Variants in DPYSL3 observed in about 807,000 individuals in gnomAD.
The protein encoded by DPYSL3 is dihydropyrimidinase-related protein 3.
A neutral mutation model predicts 66.1 loss-of-function variants in DPYSL3; 16 were observed. That is an observed-to-expected ratio of 0.24 (90% CI 0.16 to 0.37). The LOEUF (loss-of-function observed/expected upper bound fraction) is 0.37, where lower values mean the gene tolerates loss of function less well. Among genes scored for constraint, DPYSL3 ranks in the 10% least tolerant of loss-of-function variants. The pLI is 1.00. For synonymous variants in DPYSL3, 338 were observed against 345.1 expected, an observed-to-expected ratio of 0.98 and a Z score of 0.23; for missense variants, 738 against 916.2, an observed-to-expected ratio of 0.81 and a Z score of 2.51.
intron 1 of DPYSL3, among the ~76,000 whole-genome samples, chr5:147,426,148 T>A (rs1752193630): frequency 6.6e-6 from 1 of 152,130 alleles, no homozygotes; most frequent in Admixed American, 6.6e-5. Flanking sequence ...AATCTAAAAT[T>A]ATATTACGTG....
Position 147,413,657 on chromosome 5 carries a change from C to T in DPYSL3, c.821G>A (p.Gly274Glu). Residue 274 changes from glycine (G) to glutamate (E), a missense_variant and splice_region_variant, in exon 5 of 14, where the codon GGG becomes GAG. Gly to Glu is a moderately conservative substitution (Grantham distance 98). Coordinates refer to ENST00000343218, the MANE Select transcript of DPYSL3 (RefSeq NM_001197294.2). ...CATATAAACCATGAAGGAGTTAACCCCTGCAAAAGAGGGACAGGAGGAAAA... is the reference window on the plus strand; with the variant it reads ...CATATAAACCATGAAGGAGTTAACCTCTGCAAAAGAGGGACAGGAGGAAAA... ...QEVQNLIKDKGVNSFMVYMAY... is the reference protein window; with the variant it reads ...QEVQNLIKDKEVNSFMVYMAY... The T allele has an allele frequency of 6.2e-7, 1 of 1,611,330 alleles. No individual in the cohort carries two copies. Among genetic ancestry groups the T allele is most frequent in the Non-Finnish European group, 8.5e-7 (1 of 1,178,090 alleles).
intron 1 of DPYSL3, among the ~76,000 whole-genome samples, chr5:147,434,450 C>T (rs1476193981): frequency 6.6e-6 from 1 of 152,166 alleles, no homozygotes; most frequent in Non-Finnish European, 1.5e-5. Context: ...GATCTCTTGT[C>T]CCTTGAGCCC....
chr5:147,443,417 G>C (rs1433590550), intron 1 of DPYSL3, among the ~76,000 whole-genome samples: 1 of 152,076 alleles, frequency 6.6e-6, no homozygotes, highest in East Asian at 1.9e-4. Flanking sequence ...ACTTATAAGT[G>C]AGAGTTGAAC....
At position 147,405,677 on chromosome 5, in the gene DPYSL3, G is replaced by A. The variant is rs1335600922; in HGVS notation, c.1086C>T (p.Cys362=). The A allele has an allele frequency of 6.2e-7, 1 of 1,614,098 alleles. No homozygotes were observed. Among genetic ancestry groups the A allele is most frequent in the South Asian group, 1.1e-5 (1 of 91,078 alleles). Residue 362 remains cysteine (C), a synonymous_variant, in exon 8 of 14, where the codon TGC becomes TGT. Transcript: ENST00000343218. ...TCATGACCTTTGTGACGTAGAGAGG[G>A]CAATTGGTTTGGCTGGCAATGGTGA... The part of the protein sequence containing the change: ...RAITIASQTN[C]PLYVTKVMSK...
At chr5:147,484,108 T>G (rs1753291543) in intron 1 of DPYSL3, among the ~76,000 whole-genome samples, 1 of 152,198 alleles carries the variant, frequency 6.6e-6, no homozygotes, top group African/African-American at 2.4e-5. Context: ...TAGAACCAGG[T>G]TCCCGGCAAG....
At chr5:147,467,774 T>C (rs1753032106) in intron 1 of DPYSL3, among the ~76,000 whole-genome samples, 1 of 152,202 alleles carries the variant, frequency 6.6e-6, no homozygotes, top group Non-Finnish European at 1.5e-5. Flanking sequence ...TAACAAAATA[T>C]CTTAGACTGC....
At chr5:147,440,424 C>CT (rs1472895734) in intron 1 of DPYSL3, among the ~76,000 whole-genome samples, 1 of 152,204 alleles carries the variant, frequency 6.6e-6, no homozygotes, top group Admixed American at 6.5e-5. Flanking sequence ...TTGTAAAACT[C>CT]TGACATAGAC....
chr5:147,411,948 G>A (rs1478527634), intron 6 of DPYSL3, among the ~76,000 whole-genome samples: 1 of 152,064 alleles, frequency 6.6e-6, no homozygotes, highest in Admixed American at 6.5e-5. Context: ...TCTCCTCCTA[G>A]CAAAGGCCAA....
intron 1 of DPYSL3, among the ~76,000 whole-genome samples, chr5:147,448,605 C>A (rs1367811165): frequency 6.6e-6 from 1 of 152,234 alleles, no homozygotes; most frequent in Non-Finnish European, 1.5e-5. Flanking sequence ...AGTTCACAGA[C>A]CACTTTCATG....
chr5:147,472,831 C>A (rs892848353), intron 1 of DPYSL3: 1 of 152,042 alleles, frequency 6.6e-6, no homozygotes, highest in Non-Finnish European at 1.5e-5. Flanking sequence ...TCCTATTTAC[C>A]CTCATCTGCA....
chr5:147,435,112 GAA>G (rs1491421973), intron 1 of DPYSL3, among the ~76,000 whole-genome samples: 3 of 152,080 alleles, frequency 2.0e-5, no homozygotes, highest in Non-Finnish European at 4.4e-5. Flanking sequence ...AAGGTGGGGG[GAA>G]GAGAGAGAGA....
rs138969464 is a variant in DPYSL3 at position 147,467,368 on chromosome 5, T to C, written c.381+42110A>G. On this transcript the variant is annotated intron_variant, in intron 1 of 13. Transcript: ENST00000343218. The stretch of plus-strand genomic sequence containing the variant: ...ATTTGAAAGGAGTTGCTGGTGTATA[T>C]CATTATAGTACAGGATAATTAAAAG... Among the ~76,000 whole-genome samples the C allele has an allele frequency of 1.3e-4, 20 of 152,262 alleles. No homozygotes were observed. The East Asian group carries it at 3.9e-3, about 29-fold the overall frequency.
chr5:147,488,867 T>C (rs1310467554), intron 1 of DPYSL3, among the ~76,000 whole-genome samples: 2 of 151,708 alleles, frequency 1.3e-5, no homozygotes, highest in African/African-American at 4.8e-5. Context: ...ATACAAAAAT[T>C]AGCCAGGTGT....
At chr5:147,506,533 T>C (rs1014462313) in intron 1 of DPYSL3, among the ~76,000 whole-genome samples, 3 of 152,096 alleles carry the variant, frequency 2.0e-5, no homozygotes, top group African/African-American at 7.2e-5. Context: ...TTACAAAATA[T>C]GTAATATAAT....
intron 1 of DPYSL3, among the ~76,000 whole-genome samples, chr5:147,437,314 G>C (rs1035523902): frequency 6.6e-6 from 1 of 152,166 alleles, no homozygotes; most frequent in South Asian, 2.1e-4. Flanking sequence ...CCGCCAAAAT[G>C]CAACTCCCAG....
At chr5:147,498,848 C>T (rs970633216) in intron 1 of DPYSL3, among the ~76,000 whole-genome samples, 10 of 151,770 alleles carry the variant, frequency 6.6e-5, no homozygotes, top group African/African-American at 2.4e-4. Context: ...GGATATTAGA[C>T]CTTTGTTTTC....
chr5:147,402,340 A>ATT (rs1758206874), intron 8 of DPYSL3, among the ~76,000 whole-genome samples: 2 of 106,200 alleles, frequency 1.9e-5, no homozygotes, highest in Admixed American at 9.9e-5. Context: ...GACTCTCATG[A>ATT]CTTTTTTTTT....
intron 1 of DPYSL3, among the ~76,000 whole-genome samples, chr5:147,426,695 C>T (rs140730183): frequency 2.8e-4 from 43 of 152,170 alleles, no homozygotes; most frequent in African/African-American, 9.4e-4. Flanking sequence ...TTATGGAGGA[C>T]GGAGCCCCAA....
chr5:147,431,059 G>A (rs1581190626), intron 1 of DPYSL3, among the ~76,000 whole-genome samples: 1 of 152,288 alleles, frequency 6.6e-6, no homozygotes, highest in East Asian at 1.9e-4. Context: ...GAAGGTGCAG[G>A]TGGTTATTTA....
Sources: gnomAD v4.1 joint callset for allele counts (sites outside exome capture counted in the v4.1 genomes callset) on GRCh38, gnomAD v4.1.1 for gene constraint, MANE v1.5 for transcripts, NCBI Gene and HGNC (gene_info 2026-07-23, HGNC 2026-07-21) for gene names.